The following ANKRD13C variants were observed in gnomAD, a reference collection of about 807,000 sequenced individuals.
The protein encoded by ANKRD13C is ankyrin repeat domain 13C, also known as ankyrin repeat domain-containing protein 13C.
ANKRD13C carries 16 observed loss-of-function variants against 65.5 expected under a neutral mutation model. The observed-to-expected ratio is 0.24, with a 90% CI of 0.17 to 0.37. The LOEUF is 0.37. Among genes scored for constraint, ANKRD13C ranks in the 10% least tolerant of loss-of-function variants. The pLI is 1.00. For missense variants in ANKRD13C, 503 were observed against 655.9 expected (o/e 0.77, Z 2.55); for synonymous variants, 235 against 238.7 (o/e 0.98, Z 0.14).
intron 2 of ANKRD13C, among the ~76,000 whole-genome samples, chr1:70,334,697 G>A (rs1681941981): frequency 6.6e-6 from 1 of 152,026 alleles, no homozygotes; most frequent in African/African-American, 2.4e-5. Flanking sequence ...GGTCAAGGCG[G>A]GTGGATCACC....
intron 5 of ANKRD13C, among the ~76,000 whole-genome samples, chr1:70,309,137 G>C (rs184984873): frequency 1.3e-5 from 2 of 151,112 alleles, no homozygotes; most frequent in East Asian, 2.0e-4. Flanking sequence ...CCGCCTCCCA[G>C]GTTCAAGTGA....
chr1:70,304,543 C>T (rs540394011), intron 6 of ANKRD13C, among the ~76,000 whole-genome samples: 20 of 151,962 alleles, frequency 1.3e-4, no homozygotes, highest in African/African-American at 4.1e-4. Context: ...ACTATAGGCA[C>T]GTGTCACCAT....
Position 70,262,250 on chromosome 1 carries a change from T to A in ANKRD13C, c.*467A>T, listed in dbSNP as rs1361428304. 1.3e-5 allele frequency: 2 copies of A among 152,638 alleles called. No individual in the cohort carries two copies. Among genetic ancestry groups the A allele is most frequent in the African/African-American group, 4.8e-5 (2 of 41,434 alleles). 9.5% of individuals were successfully genotyped at this position (152,638 alleles called of 1,614,324 possible). A position where few individuals can be genotyped will look rare whatever the true frequency, so the allele number is the denominator to read the frequency against. ...AGTTTACATTTTATGAAAACAAAGC[T>A]CGAAGGAATATTTATAAATGTCACC... On this transcript the variant is annotated 3_prime_UTR_variant, in exon 13 of 13. Coordinates refer to ENST00000370944, the MANE Select transcript of ANKRD13C (RefSeq NM_030816.5).
In ANKRD13C at chr1:70,259,709, G is replaced by A. The variant is rs958453405; in HGVS notation, c.*3008C>T. Among the ~76,000 whole-genome samples, 4 of 152,126 alleles carry A rather than the reference G, an allele frequency of 2.6e-5. No homozygotes were observed. The highest frequency in any genetic ancestry group is 9.7e-5 in the African/African-American group (4 of 41,442). The stretch of plus-strand genomic sequence containing the variant: ...CTTTACAAGTGACTTAATACCTCCT[G>A]TCCATTTCTCTAGTGGGGGCAAGTT... On this transcript the variant is annotated 3_prime_UTR_variant, in exon 13 of 13. Coordinates refer to ENST00000370944, the MANE Select transcript of ANKRD13C (RefSeq NM_030816.5).
At chr1:70,305,015 T>C (rs1343564233) in intron 6 of ANKRD13C, among the ~76,000 whole-genome samples, 1 of 152,046 alleles carries the variant, frequency 6.6e-6, no homozygotes, top group African/African-American at 2.4e-5. Flanking sequence ...CCCAGCACTT[T>C]GCGAGGCCAA....
chr1:70,346,092 A>G (rs1228523213), intron 1 of ANKRD13C, among the ~76,000 whole-genome samples: 2 of 151,930 alleles, frequency 1.3e-5, no homozygotes, highest in Admixed American at 1.3e-4. Context: ...TCGTCCTCCC[A>G]AAGTGCTGGG....
chr1:70,270,230 C>T (rs900681791), intron 12 of ANKRD13C, among the ~76,000 whole-genome samples: 4 of 152,140 alleles, frequency 2.6e-5, no homozygotes, highest in Admixed American at 2.0e-4. Context: ...CTCTAGTCTC[C>T]CTATTTCACA....
chr1:70,333,670 C>A (rs943266667), intron 2 of ANKRD13C, among the ~76,000 whole-genome samples: 1 of 152,088 alleles, frequency 6.6e-6, no homozygotes, highest in Non-Finnish European at 1.5e-5. Context: ...GCAGTGAACA[C>A]CAGAAAGTCA....
intron 9 of ANKRD13C, among the ~76,000 whole-genome samples, chr1:70,280,556 G>T (rs1199731878): frequency 2.6e-5 from 4 of 152,130 alleles, no homozygotes; most frequent in Non-Finnish European, 5.9e-5. Flanking sequence ...CAAATATTTT[G>T]AGCAATACAA....
At chr1:70,279,133 G>A (rs909037305) in intron 9 of ANKRD13C, among the ~76,000 whole-genome samples, 25 of 152,028 alleles carry the variant, frequency 1.6e-4, no homozygotes, top group Admixed American at 1.4e-3. Flanking sequence ...CTTGAGCCCA[G>A]GACATGGAGG....
At chr1:70,291,699 C>T (rs947658789) in intron 9 of ANKRD13C, among the ~76,000 whole-genome samples, 26 of 151,926 alleles carry the variant, frequency 1.7e-4, no homozygotes, top group African/African-American at 6.0e-4. Flanking sequence ...CCCAGCTACT[C>T]GGGAGTCTGA....
At chr1:70,304,884 T>C (rs978117480) in intron 6 of ANKRD13C, among the ~76,000 whole-genome samples, 1 of 152,234 alleles carries the variant, frequency 6.6e-6, no homozygotes, top group Non-Finnish European at 1.5e-5. Context: ...TCTATTTTTC[T>C]GTATTTTCCA....
At chr1:70,318,829 T>C (rs11800138) in intron 3 of ANKRD13C, among the ~76,000 whole-genome samples, 22,120 of 151,912 alleles carry the variant, frequency 0.15, 1,922 homozygotes, top group East Asian at 0.35. Flanking sequence ...ACTACAGGTG[T>C]GCGCCACCAT....
At chr1:70,325,702 C>T (rs1300448283) in intron 2 of ANKRD13C, among the ~76,000 whole-genome samples, 1 of 151,682 alleles carries the variant, frequency 6.6e-6, no homozygotes, top group Non-Finnish European at 1.5e-5. Context: ...CATGGTGAAA[C>T]CCCGTCTCTA....
At chr1:70,272,918 G>A (rs1235830938) in intron 11 of ANKRD13C, among the ~76,000 whole-genome samples, 2 of 151,926 alleles carry the variant, frequency 1.3e-5, no homozygotes, top group Admixed American at 1.3e-4. Flanking sequence ...AACCTGGGAG[G>A]CAGAGGTTGC....
chr1:70,306,819 C>T (rs1221314990), intron 5 of ANKRD13C, among the ~76,000 whole-genome samples: 2 of 152,172 alleles, frequency 1.3e-5, no homozygotes, highest in African/African-American at 4.8e-5. Flanking sequence ...GGGAATCATA[C>T]TATTTATCTA....
At chr1:70,346,827 C>T (rs1280041512) in intron 1 of ANKRD13C, among the ~76,000 whole-genome samples, 1 of 152,108 alleles carries the variant, frequency 6.6e-6, no homozygotes, top group African/African-American at 2.4e-5. Context: ...CGCGGTGGCT[C>T]ACGCCTGTAA....
chr1:70,309,726 A>AG, intron 5 of ANKRD13C, among the ~76,000 whole-genome samples: 1 of 142,210 alleles, frequency 7.0e-6, no homozygotes, highest in East Asian at 2.2e-4. Context: ...AAAAAAAAAA[A>AG]AAAAAAAATA....
rs769584924 is a variant in ANKRD13C, at chr1:70,287,185, TGAGA to T, written c.1215+5199_1215+5202del. On this transcript the variant is annotated intron_variant, in intron 9 of 12. Transcript: ENST00000370944. ...GTAAGATTTATACCCTGAACACTTC[TGAGA>T]GAAATTATAGAGAATCTAAATAAAT... 1.7e-4 allele frequency among the ~76,000 whole-genome samples: 26 copies of T among 152,144 alleles called. No homozygotes were observed. The East Asian group carries it at 3.5e-3, about 20-fold the overall frequency.
Sources: allele counts gnomAD v4.1 joint callset (sites outside exome capture counted in the v4.1 genomes callset), GRCh38; gene constraint gnomAD v4.1.1; transcripts MANE v1.5; gene names NCBI Gene and HGNC (gene_info 2026-07-23, HGNC 2026-07-21).